SIN3B: variants seen among roughly 807,000 people sequenced by gnomAD.
SIN3B encodes the protein paired amphipathic helix protein Sin3b.
SIN3B carries 19 observed loss-of-function variants against 120.2 expected under a neutral mutation model. The observed-to-expected ratio is 0.16, with a 90% confidence interval of 0.11 to 0.23. SIN3B has a LOEUF of 0.23. Ranked by LOEUF, SIN3B falls within the 10% of genes least tolerant of loss-of-function variation. The pLI is 1.00. For synonymous variants in SIN3B, 654 were observed against 653.2 expected (o/e 1.00, Z -0.02); for missense variants, 1,073 against 1,573.0 (o/e 0.68, Z 5.38).
At chr19:16,861,743 A>G (rs1245842520) in intron 8 of SIN3B, among the ~76,000 whole-genome samples, 1 of 150,802 alleles carries the variant, frequency 6.6e-6, no homozygotes, top group African/African-American at 2.4e-5. Context: ...AGCCTGGGCG[A>G]CAAGAGTGAA....
chr19:16,851,148 C>G (rs1340122234), intron 5 of SIN3B, among the ~76,000 whole-genome samples: 4 of 152,256 alleles, frequency 2.6e-5, no homozygotes. Flanking sequence ...TCCTGAAACC[C>G]CCAGCCCTTC....
chr19:16,853,008 C>A, intron 6 of SIN3B, 61 bp from the exon 7 acceptor site: 1 of 1,347,958 alleles, frequency 7.4e-7, no homozygotes, highest in Non-Finnish European at 1.1e-6. Flanking sequence ...TCTGTGACAG[C>A]GATGGACAGA....
chr19:16,873,817 C>G (rs73523457), intron 14 of SIN3B, among the ~76,000 whole-genome samples: 1,732 of 152,344 alleles, frequency 0.011, 30 homozygotes, highest in African/African-American at 0.038. Context: ...GCGGGCCCCT[C>G]CACACTGTTT....
rs1971279639 is a variant in SIN3B, at chr19:16,831,617, G to A, written c.351G>A (p.Lys117=). ...GAATAGACATTCCCAAGAATGGCAA[G>A]TTAAACATACAGTCGCCTCTGACAA... is the stretch of plus-strand genomic sequence containing the variant. ...GYRIDIPKNG[K]LNIQSPLTSQ... is the part of the protein sequence containing the mutation. Residue 117 remains lysine, a synonymous_variant, in exon 3 of 19, where the codon AAG becomes AAA. Transcript: ENST00000248054. 1 of 1,614,018 alleles carries A rather than the reference G, an allele frequency of 6.2e-7. No individual in the cohort carries two copies. Among genetic ancestry groups the A allele is most frequent in the East Asian group, 2.2e-5 (1 of 44,864 alleles).
intron 10 of SIN3B, 73 bp from the exon 11 acceptor site, chr19:16,865,337 G>C: frequency 9.5e-6 from 8 of 840,720 alleles, no homozygotes; most frequent in South Asian, 1.8e-5. Flanking sequence ...TCTGGTCTCT[G>C]AGGTCCCAGG....
rs1172056884 is a variant in SIN3B, at chr19:16,878,536, G to A, written c.3202G>A (p.Glu1068Lys). 1 of 1,597,782 alleles carries A rather than the reference G, an allele frequency of 6.3e-7. No individual in the cohort carries two copies. Among genetic ancestry groups the A allele is most frequent in the South Asian group, 1.1e-5 (1 of 88,884 alleles). ...CCTGCTCCGCCACCACCAGCACTTT[G>A]AGGAGTGGCACAGCCGCTGGCTGGA... Reference protein sequence around the residue: ...LVLLRHHQHFEEWHSRWLEDN... With the variant: ...LVLLRHHQHFKEWHSRWLEDN... The change falls in exon 19 of 19, where the codon GAG (glutamate) becomes AAG (lysine). Residue 1068 changes from glutamate (E) to lysine (K), a missense_variant. By Grantham distance (56) the Glu-to-Lys change is moderately conservative. This residue lies in a region of SIN3B where 311 missense variants were observed against 400.3 expected (regional missense o/e 0.78). Transcript: ENST00000248054.
At chr19:16,855,373 C>CCCCG (rs1236155751) in intron 8 of SIN3B, 1 of 66,980 alleles carries the variant, frequency 1.5e-5, no homozygotes, top group Non-Finnish European at 3.7e-5. Flanking sequence ...GAAACCTTCC[C>CCCCG]CCCCCCCCCC....
Position 16,875,874 on chromosome 19 carries a change from G to A in SIN3B, c.2593-181G>A, listed in dbSNP as rs1237574707. On this transcript the variant is annotated intron_variant, in intron 14 of 18. Transcript: ENST00000248054. ...GGTCTGTTTGGTCTGGTCTGGTCTG[G>A]TCTGGTCTGGTCTGTTTGGTCTGGT... The A allele has an allele frequency of 1.1e-5, 8 of 696,720 alleles. No individual in the cohort carries two copies. In the South Asian group the frequency reaches 1.5e-4, roughly 13 times the overall value. 43.2% of individuals were successfully genotyped at this position (696,720 alleles called of 1,614,324 possible). A position where few individuals can be genotyped will look rare whatever the true frequency, so the allele number is the denominator to read the frequency against.
At chr19:16,872,852 G>A (rs2051530269) in intron 14 of SIN3B, among the ~76,000 whole-genome samples, 1 of 152,176 alleles carries the variant, frequency 6.6e-6, no homozygotes, top group South Asian at 2.1e-4. Flanking sequence ...TGAGATTCCT[G>A]TGTTGAGATG....
chr19:16,866,472 C>T lies in SIN3B; in HGVS notation c.1722C>T (p.His574=). 6.2e-7 allele frequency: 1 copy of T among 1,613,982 alleles called. No individual in the cohort carries two copies. The highest frequency in any genetic ancestry group is 8.5e-7 in the Non-Finnish European group (1 of 1,180,006). Residue 574 remains histidine, a synonymous_variant, in exon 12 of 19, where the codon CAC becomes CAT. Coordinates refer to ENST00000248054, the MANE Select transcript of SIN3B (RefSeq NM_001297595.2). Reference sequence around the variant, plus strand: ...AGGCGTACCTCAAGTCCCTTGACCACCAGGCTGTGAACTTCAAGCAGAACG... The same window carrying T: ...AGGCGTACCTCAAGTCCCTTGACCATCAGGCTGTGAACTTCAAGCAGAACG... ...YEKAYLKSLD[H]QAVNFKQNDT... is the part of the protein sequence containing the mutation.
intron 8 of SIN3B, among the ~76,000 whole-genome samples, chr19:16,858,367 C>T (rs1473038381): frequency 6.6e-6 from 1 of 152,106 alleles, no homozygotes; most frequent in African/African-American, 2.4e-5. Flanking sequence ...CATTTCTCAC[C>T]TTTTATAAGA....
chr19:16,834,326 G>A (rs761797217), intron 3 of SIN3B, among the ~76,000 whole-genome samples: 1 of 152,216 alleles, frequency 6.6e-6, no homozygotes, highest in Non-Finnish European at 1.5e-5. Context: ...TGTGCGTCCT[G>A]CATGTGGAAA....
At chr19:16,866,762 GTT>G (rs1418568127) in intron 12 of SIN3B, among the ~76,000 whole-genome samples, 1 of 152,064 alleles carries the variant, frequency 6.6e-6, no homozygotes, top group East Asian at 1.9e-4. Context: ...TTGTCTATCT[GTT>G]TGTTTGTTTG....
At chr19:16,836,514 C>T (rs941393217) in intron 3 of SIN3B, among the ~76,000 whole-genome samples, 13 of 152,280 alleles carry the variant, frequency 8.5e-5, no homozygotes, top group African/African-American at 2.6e-4. Context: ...TATTTCAAAA[C>T]GGCTAGGAAA....
intron 12 of SIN3B, among the ~76,000 whole-genome samples, chr19:16,867,234 C>T (rs917880578): frequency 7.9e-5 from 12 of 152,310 alleles, no homozygotes; most frequent in Non-Finnish European, 1.6e-4. Context: ...GACTCTGCTG[C>T]GGCATTATTC....
rs866589325 is a variant in SIN3B, at chr19:16,869,833, T to C, written c.2180T>C (p.Leu727Pro). The C allele has an allele frequency of 6.2e-7, 1 of 1,613,550 alleles. No homozygotes were observed. Among genetic ancestry groups the C allele is most frequent in the East Asian group, 2.2e-5 (1 of 44,870 alleles). The change falls in exon 13 of 19, where the codon CTG becomes CCG. Residue 727 changes from leucine to proline, a missense_variant. By Grantham distance (98) the Leu-to-Pro change is moderately conservative. This residue lies in a region of SIN3B where 169 missense variants were observed against 207.3 expected (regional missense o/e 0.82). Transcript: ENST00000248054. ...GCCCCGGCCACTGAGCAGCCACCCCTGCCGCCCCCAGCCCCGCACAAGCCC... is the reference window on the plus strand; with the variant it reads ...GCCCCGGCCACTGAGCAGCCACCCCCGCCGCCCCCAGCCCCGCACAAGCCC... ...GDAPATEQPP[L>P]PPPAPHKPLD...
At chr19:16,846,374 C>A (rs1183466084) in intron 4 of SIN3B, 2 of 152,226 alleles carry the variant, frequency 1.3e-5, no homozygotes, top group African/African-American at 4.8e-5. Context: ...CTGGAAGCCA[C>A]GCCATATTAT....
intron 3 of SIN3B, among the ~76,000 whole-genome samples, chr19:16,834,254 G>T (rs1971316639): frequency 6.6e-6 from 1 of 152,216 alleles, no homozygotes; most frequent in African/African-American, 2.4e-5. Context: ...TGAATGCTGT[G>T]GAAACTCTGG....
chr19:16,853,131 T>C lies in SIN3B; in HGVS notation c.912T>C (p.Thr304=). 6.2e-7 allele frequency: 1 copy of C among 1,614,166 alleles called. No homozygotes were observed. The highest frequency in any genetic ancestry group is 8.5e-7 in the Non-Finnish European group (1 of 1,180,002). The change falls in exon 7 of 19, where the codon ACT becomes ACC. Residue 304 remains threonine, a synonymous_variant. Coordinates refer to ENST00000248054, the MANE Select transcript of SIN3B (RefSeq NM_001297595.2). ...TCGCTGCAGTGGGGAAGTACGGGAC[T>C]CTGCAGGAATTTTCTTTCTTTGACA... The part of the protein sequence containing the change: ...LSIAAVGKYG[T]LQEFSFFDKV...
Sources: allele counts gnomAD v4.1 joint callset (sites outside exome capture counted in the v4.1 genomes callset), GRCh38; gene constraint gnomAD v4.1.1; regional missense constraint gnomAD v4.1.1; transcripts MANE v1.5; gene names NCBI Gene and HGNC (gene_info 2026-07-23, HGNC 2026-07-21).